HIVEP3: variants seen among roughly 807,000 people sequenced by gnomAD.
HIVEP3 encodes transcription factor HIVEP3.
HIVEP3 carries 49 observed loss-of-function variants against 152.8 expected under a neutral mutation model. That is an observed-to-expected ratio of 0.32 (90% CI 0.26 to 0.41). The LOEUF (loss-of-function observed/expected upper bound fraction) is 0.41. Among genes scored for constraint, HIVEP3 ranks in the 10% least tolerant of loss-of-function variants. The pLI is 1.00. For synonymous variants in HIVEP3, 1,269 were observed against 1,289.0 expected, an observed-to-expected ratio of 0.98 and a Z score of 0.33; for missense variants, 2,790 against 3,103.3, an observed-to-expected ratio of 0.90 and a Z score of 2.40.
intron 1 of HIVEP3, among the ~76,000 whole-genome samples, chr1:41,892,984 G>A (rs934396155): frequency 6.6e-6 from 1 of 151,922 alleles, no homozygotes; most frequent in African/African-American, 2.4e-5. Context: ...TTAGCTAGGG[G>A]TGGTGGCACA....
chr1:41,999,989 TCA>T (rs1411833090), intron 1 of HIVEP3, among the ~76,000 whole-genome samples: 1 of 152,168 alleles, frequency 6.6e-6, no homozygotes, highest in Non-Finnish European at 1.5e-5. Flanking sequence ...AATCTTTTAA[TCA>T]CAGTTGACAG....
intron 1 of HIVEP3, among the ~76,000 whole-genome samples, chr1:41,766,522 CA>C (rs374143738): frequency 1.6e-3 from 237 of 152,344 alleles, no homozygotes; most frequent in African/African-American, 5.4e-3. Flanking sequence ...TCCTCACCAC[CA>C]CGGTATGAGA....
chr1:41,525,341 A>T (rs760363591), intron 5 of HIVEP3, among the ~76,000 whole-genome samples: 11 of 152,226 alleles, frequency 7.2e-5, no homozygotes, highest in Non-Finnish European at 1.3e-4. Context: ...CCAAGTGCTC[A>T]CTCTGCCAGG....
intron 1 of HIVEP3, among the ~76,000 whole-genome samples, chr1:41,901,974 G>A (rs1489588459): frequency 6.6e-6 from 1 of 152,184 alleles, no homozygotes; most frequent in Non-Finnish European, 1.5e-5. Flanking sequence ...ACACAGAACA[G>A]GGATTCAATA....
intron 3 of HIVEP3, among the ~76,000 whole-genome samples, chr1:41,622,220 A>T (rs965069739): frequency 1.3e-5 from 2 of 152,200 alleles, no homozygotes; most frequent in Admixed American, 1.3e-4. Context: ...GACAGATGGA[A>T]CTTGCATATA....
At chr1:41,733,358 G>A (rs188115540) in intron 1 of HIVEP3, among the ~76,000 whole-genome samples, 1 of 152,326 alleles carries the variant, frequency 6.6e-6, no homozygotes, top group East Asian at 1.9e-4. Flanking sequence ...GTGAAAAGCA[G>A]ACAGCTTGAC....
At position 41,648,219 on chromosome 1, in the gene HIVEP3, C is replaced by A. The variant is rs1241746551; in HGVS notation, c.-720-19272G>T. Among the ~76,000 whole-genome samples the A allele has an allele frequency of 5.3e-5, 8 of 152,362 alleles. No homozygotes were observed. In the South Asian group the frequency reaches 1.2e-3, roughly 24 times the overall value. On this transcript the variant is annotated intron_variant, in intron 2 of 8. Coordinates refer to ENST00000372583, the MANE Select transcript of HIVEP3 (RefSeq NM_024503.5). ...TCTCTATGGCCCTGGGAAATGTCCT[C>A]CACGACTGTTTAATTTCTCATGTCT...
intron 1 of HIVEP3, among the ~76,000 whole-genome samples, chr1:41,871,424 C>T (rs954776362): frequency 6.6e-6 from 1 of 151,452 alleles, no homozygotes; most frequent in African/African-American, 2.4e-5. Context: ...AAAAAAACCC[C>T]TGCATATTCT....
chr1:41,545,605 CCATCACCACCACTACCAT>C (rs1643764195), intron 5 of HIVEP3, among the ~76,000 whole-genome samples: 2 of 140,212 alleles, frequency 1.4e-5, no homozygotes, highest in Admixed American at 7.0e-5. Context: ...ACCACCACCA[CCATCACCACCACTACCAT>C]CACCACCACC....
chr1:41,922,867 A>G (rs927733509), upstream of HIVEP3, among the ~76,000 whole-genome samples: 1 of 152,130 alleles, frequency 6.6e-6, no homozygotes, highest in Non-Finnish European at 1.5e-5. Context: ...AGAAAAGGAA[A>G]GAAAGAGAGG....
intron 2 of HIVEP3, among the ~76,000 whole-genome samples, chr1:41,665,290 T>A (rs1645777903): frequency 6.6e-6 from 1 of 152,148 alleles, no homozygotes; most frequent in Admixed American, 6.5e-5. Flanking sequence ...AAGGCAGAGT[T>A]GAGGTGCAGG....
At chr1:41,606,642 TG>T (rs1468221001) in intron 3 of HIVEP3, among the ~76,000 whole-genome samples, 2 of 151,924 alleles carry the variant, frequency 1.3e-5, no homozygotes, top group Non-Finnish European at 2.9e-5. Flanking sequence ...CTTTTTTGAT[TG>T]ATGAAATAAC....
rs568770170 is a variant in HIVEP3, at chr1:41,970,459, T to C, written n.120-51935A>G. ...GGAACAGAACACCAAACACCACATA[T>C]TATCTTATAAGTGGGAGCTGAACAA... On this transcript the variant is annotated intron_variant and non_coding_transcript_variant, in intron 1 of 3. Transcript: ENST00000489103. Among the ~76,000 whole-genome samples the C allele has an allele frequency of 4.5e-4, 68 of 152,194 alleles. 1 individual carries two copies. The South Asian group carries it at 0.014, about 31-fold the overall frequency.
intron 1 of HIVEP3, among the ~76,000 whole-genome samples, chr1:41,891,960 G>T (rs1398168715): frequency 6.6e-6 from 1 of 152,202 alleles, no homozygotes; most frequent in Non-Finnish European, 1.5e-5. Flanking sequence ...CACAAGAGCT[G>T]CCTGTTTCCC....
chr1:41,715,208 C>G (rs1004502157), intron 1 of HIVEP3, among the ~76,000 whole-genome samples: 2 of 152,228 alleles, frequency 1.3e-5, no homozygotes, highest in South Asian at 2.1e-4. Context: ...TTTCAGCCAG[C>G]CTGGCAGACT....
chr1:41,679,522 A>G (rs1187048264), intron 2 of HIVEP3, among the ~76,000 whole-genome samples: 1 of 152,204 alleles, frequency 6.6e-6, no homozygotes, highest in East Asian at 1.9e-4. Context: ...TCCAGAGACC[A>G]GTTGCATGCA....
chr1:41,743,677 T>G (rs1647029398), intron 1 of HIVEP3, among the ~76,000 whole-genome samples: 1 of 152,168 alleles, frequency 6.6e-6, no homozygotes, highest in Admixed American at 6.5e-5. Flanking sequence ...ACTATCTGAC[T>G]CATAAAAGCT....
intron 1 of HIVEP3, among the ~76,000 whole-genome samples, chr1:41,970,966 A>T (rs2124503995): frequency 6.6e-6 from 1 of 152,326 alleles, no homozygotes; most frequent in Admixed American, 6.5e-5. Context: ...TGGCCTCCAG[A>T]ACTGTGAGAC....
At chr1:41,761,163 T>C (rs1647651016) in intron 1 of HIVEP3, among the ~76,000 whole-genome samples, 1 of 152,246 alleles carries the variant, frequency 6.6e-6, no homozygotes, top group Non-Finnish European at 1.5e-5. Context: ...GCTAGGTGTA[T>C]GCGCATGCAT....
Sources: gnomAD v4.1 joint callset for allele counts (sites outside exome capture counted in the v4.1 genomes callset) on GRCh38, gnomAD v4.1.1 for gene constraint, MANE v1.5 for transcripts, NCBI Gene and HGNC (gene_info 2026-07-23, HGNC 2026-07-21) for gene names.